The following ADGB variants were observed in gnomAD, a reference collection of about 807,000 sequenced individuals.
ADGB encodes calpain-7-like protein.
In ADGB, 172 loss-of-function variants were observed where a neutral mutation model predicts 210.5. That is an observed-to-expected ratio of 0.82 (90% CI 0.72 to 0.93). The LOEUF is 0.93. Ranked by LOEUF, ADGB falls within the 40% of genes least tolerant of loss-of-function variation. The pLI is 0.00. For synonymous variants in ADGB, 658 were observed against 662.7 expected (o/e 0.99, Z 0.11); for missense variants, 2,025 against 1,964.8 (o/e 1.03, Z -0.58).
intron 1 of ADGB, among the ~76,000 whole-genome samples, chr6:146,622,205 A>G (rs1288808681): frequency 1.3e-5 from 2 of 152,094 alleles, no homozygotes; most frequent in East Asian, 1.9e-4. Flanking sequence ...GTAAAACATT[A>G]CCAGGAACTT....
chr6:146,674,878 T>C (rs142290070), intron 8 of ADGB, among the ~76,000 whole-genome samples: 75 of 152,304 alleles, frequency 4.9e-4, no homozygotes, highest in African/African-American at 1.7e-3. Context: ...TTGATTTTTT[T>C]CTATTTATAA....
At chr6:146,664,121 T>C (rs934523434) in intron 5 of ADGB, 80 bp from the exon 6 acceptor site, 16 of 1,343,990 alleles carry the variant, frequency 1.2e-5, no homozygotes, top group Non-Finnish European at 1.6e-5. Context: ...TAAATAGTAA[T>C]GTCAGCCACG....
At chr6:146,608,565 A>G (rs1780662909) in intron 1 of ADGB, among the ~76,000 whole-genome samples, 1 of 152,154 alleles carries the variant, frequency 6.6e-6, no homozygotes, top group African/African-American at 2.4e-5. Flanking sequence ...AGAGTCTTAT[A>G]TGTTGTACCT....
At chr6:146,627,637 A>G (rs567747425) in intron 1 of ADGB, among the ~76,000 whole-genome samples, 1 of 152,254 alleles carries the variant, frequency 6.6e-6, no homozygotes, top group Admixed American at 6.5e-5. Flanking sequence ...AGATTCTCTC[A>G]GGTACTTTTT....
intron 2 of ADGB, among the ~76,000 whole-genome samples, chr6:146,641,558 C>T (rs542554347): frequency 1.5e-4 from 23 of 151,780 alleles, no homozygotes; most frequent in African/African-American, 5.6e-4. Flanking sequence ...AAAACAGGCA[C>T]ATAGACGAAT....
intron 7 of ADGB, 40 bp downstream of exon 7, chr6:146,666,942 A>G (rs1042341816): frequency 7.1e-7 from 1 of 1,413,306 alleles, no homozygotes; most frequent in Non-Finnish European, 9.7e-7. Flanking sequence ...TATTTTTTTT[A>G]TCTTCCCAAG....
Position 146,801,920 on chromosome 6 carries a change from A to G in ADGB, c.4727A>G (p.His1576Arg). ...KAEEIHQFRQ[H>R]RTRVLSIRNI... is the part of the protein sequence containing the mutation. ...GAAGAAATTCATCAGTTTCGACAGC[A>G]TAGGACCAGAGTCCTTAGCATTCGA... is the stretch of plus-strand genomic sequence containing the variant. Residue 1576 changes from histidine to arginine, a missense_variant, in exon 35 of 36, where the codon CAT (histidine) becomes CGT (arginine). Coordinates refer to ENST00000397944, the MANE Select transcript of ADGB (RefSeq NM_024694.4). 2 of 1,551,368 alleles carry G rather than the reference A, an allele frequency of 1.3e-6. No individual in the cohort carries two copies. The highest frequency in any genetic ancestry group is 1.7e-6 in the Non-Finnish European group (2 of 1,146,814).
intron 10 of ADGB, among the ~76,000 whole-genome samples, chr6:146,688,315 A>G (rs1370541702): frequency 6.6e-6 from 1 of 152,162 alleles, no homozygotes; most frequent in African/African-American, 2.4e-5. Flanking sequence ...GAAAGACATA[A>G]CAGAAACATG....
chr6:146,715,788 G>A (rs1053809307), intron 14 of ADGB, among the ~76,000 whole-genome samples: 7 of 151,952 alleles, frequency 4.6e-5, no homozygotes, highest in Admixed American at 2.0e-4. Context: ...ATGCTATGCC[G>A]GCCAGGTGCA....
intron 35 of ADGB, among the ~76,000 whole-genome samples, chr6:146,811,054 T>G (rs71566459): frequency 0.022 from 3,409 of 152,320 alleles, 56 homozygotes; most frequent in Non-Finnish European, 0.035. Flanking sequence ...TCTGCCCACT[T>G]GTATATGTAA....
Position 146,782,164 on chromosome 6 carries a change from A to G in ADGB, c.4007A>G (p.Glu1336Gly). ...KSSEKEKTAK[E>G]KQAPRFEPQI... The stretch of plus-strand genomic sequence containing the variant: ...TCTGAGAAAGAAAAGACAGCCAAAG[A>G]AAAACAAGCACCTCGCTTTGAGCCT... The change falls in exon 30 of 36, where the codon GAA (glutamate) becomes GGA (glycine). Residue 1336 changes from glutamate to glycine, a missense_variant. Physicochemically the swap from Glu to Gly is moderately conservative, Grantham distance 98 (BLOSUM62 -2). Coordinates refer to ENST00000397944, the MANE Select transcript of ADGB (RefSeq NM_024694.4). 6.5e-7 allele frequency: 1 copy of G among 1,538,226 alleles called. No individual in the cohort carries two copies. Among genetic ancestry groups the G allele is most frequent in the South Asian group, 1.2e-5 (1 of 80,662 alleles).
intron 7 of ADGB, among the ~76,000 whole-genome samples, chr6:146,670,150 C>T (rs1775988031): frequency 6.6e-6 from 1 of 152,124 alleles, no homozygotes; most frequent in Non-Finnish European, 1.5e-5. Context: ...TAACTGGTCT[C>T]CTAGAGTCTA....
At position 146,806,470 on chromosome 6, in the gene ADGB, G is replaced by A. The variant is rs1257876944; in HGVS notation, c.4818+4459G>A. 7.2e-5 allele frequency among the ~76,000 whole-genome samples: 11 copies of A among 151,980 alleles called. 1 individual carries two copies. On this transcript the variant is annotated intron_variant, in intron 35 of 35. Transcript: ENST00000397944. ...ACTACTATCTTCTACTTGTGCAATT[G>A]GTTTAGTCAATCCAGTTTTATTATG...
Position 146,768,187 on chromosome 6 carries a change from T to C in ADGB, c.3751-833T>C, listed in dbSNP as rs377561973. Among the ~76,000 whole-genome samples, 54 of 152,330 alleles carry C rather than the reference T, an allele frequency of 3.5e-4. No homozygotes were observed. In the South Asian group the frequency reaches 0.011, roughly 30 times the overall value. ...AAAGATATGTTATCCTCAATCTGCC[T>C]TTAAATTCAATGCAATCCCAATCAA... On this transcript the variant is annotated intron_variant, in intron 28 of 35. Coordinates refer to ENST00000397944, the MANE Select transcript of ADGB (RefSeq NM_024694.4).
chr6:146,788,667 A>G, intron 33 of ADGB, 57 bp downstream of exon 33: 1 of 1,473,592 alleles, frequency 6.8e-7, no homozygotes, highest in Non-Finnish European at 9.2e-7. Flanking sequence ...AAATTATGGA[A>G]AAGATTTTAA....
chr6:146,769,181 A>G (rs1206058821), intron 29 of ADGB, 50 bp downstream of exon 29: 5 of 796,948 alleles, frequency 6.3e-6, no homozygotes, highest in Non-Finnish European at 9.9e-6. Flanking sequence ...GAATAAGTTG[A>G]TATTTAAATA....
intron 1 of ADGB, among the ~76,000 whole-genome samples, chr6:146,613,853 T>A (rs573220502): frequency 2.9e-4 from 44 of 151,984 alleles, no homozygotes; most frequent in Admixed American, 5.9e-4. Context: ...TTTTAAATAA[T>A]TAATTTATTC....
At chr6:146,763,770 T>C (rs1562295211) in intron 27 of ADGB, 131 bp from the exon 28 acceptor site, 1 of 818,798 alleles carries the variant, frequency 1.2e-6, no homozygotes, top group Non-Finnish European at 1.8e-6. Context: ...AAAACACTGT[T>C]TTTTATCTCA....
intron 29 of ADGB, among the ~76,000 whole-genome samples, chr6:146,773,133 G>A (rs1777675584): frequency 6.6e-6 from 1 of 151,576 alleles, no homozygotes; most frequent in African/African-American, 2.4e-5. Context: ...GGGGAGGAAA[G>A]ATTCAGAAAT....
Sources: gnomAD v4.1 joint callset for allele counts (sites outside exome capture counted in the v4.1 genomes callset) on GRCh38, gnomAD v4.1.1 for gene constraint, MANE v1.5 for transcripts, NCBI Gene and HGNC (gene_info 2026-07-23, HGNC 2026-07-21) for gene names.